Variants in UBA6 observed in about 807,000 individuals in gnomAD.
UBA6 encodes ubiquitin like modifier activating enzyme 6, also known as ubiquitin-like modifier-activating enzyme 6.
In UBA6, 87 loss-of-function variants were observed where a neutral mutation model predicts 148.3. The observed-to-expected ratio is 0.59, with a 90% CI of 0.49 to 0.70. The LOEUF is 0.70. UBA6 is among the 30% of genes least tolerant of loss of function. The probability of loss-of-function intolerance (pLI) is 0.00; values close to 1 mark genes in which losing one functional copy is unlikely to be tolerated. For missense variants in UBA6, 1,186 were observed against 1,241.2 expected, an observed-to-expected ratio of 0.96 and a Z score of 0.67; for synonymous variants, 376 against 401.0, an observed-to-expected ratio of 0.94 and a Z score of 0.75.
Position 67,649,204 on chromosome 4 carries a change from A to T in UBA6, c.1112T>A (p.Val371Glu). ...ISETLEEKPD[V>E]NADIVHWLSW... ...GAGCCAATGCACAATGTCAGCATTT[A>T]CATCAGGCTAAAACAAAAGCCATAA... Residue 371 changes from valine (V) to glutamate (E), a missense_variant, in exon 14 of 33, where the codon GTA becomes GAA. Coordinates refer to ENST00000322244, the MANE Select transcript of UBA6 (RefSeq NM_018227.6). 1 of 1,608,214 alleles carries T rather than the reference A, an allele frequency of 6.2e-7. No individual in the cohort carries two copies. The highest frequency in any genetic ancestry group is 1.7e-5 in the Admixed American group (1 of 58,954).
intron 9 of UBA6, among the ~76,000 whole-genome samples, chr4:67,667,295 A>T (rs1251971571): frequency 6.6e-6 from 1 of 152,202 alleles, no homozygotes; most frequent in African/African-American, 2.4e-5. Flanking sequence ...TTGTTATACA[A>T]CATGCATGCT....
At chr4:67,695,512 T>C (rs776633920) in intron 2 of UBA6, among the ~76,000 whole-genome samples, 1 of 152,220 alleles carries the variant, frequency 6.6e-6, no homozygotes, top group Non-Finnish European at 1.5e-5. Context: ...TAACCTGTCA[T>C]AGTTTCTTCA....
chr4:67,633,625 T>C, intron 22 of UBA6, 152 bp from the exon 23 acceptor site: 1 of 623,784 alleles, frequency 1.6e-6, no homozygotes, highest in Non-Finnish European at 2.5e-6. Context: ...TCCTTCTTCT[T>C]TAACCTTTCT....
intron 7 of UBA6, among the ~76,000 whole-genome samples, chr4:67,672,729 CA>C (rs1449125227): frequency 6.6e-6 from 1 of 152,160 alleles, no homozygotes; most frequent in Non-Finnish European, 1.5e-5. Context: ...CTAATTTTTA[CA>C]CTTGCAAATG....
At chr4:67,634,346 A>C (rs751843854) in intron 21 of UBA6, 24 bp from the exon 22 acceptor site, 2 of 1,566,630 alleles carry the variant, frequency 1.3e-6, no homozygotes, top group Non-Finnish European at 8.6e-7. Context: ...AAGAAAAAAA[A>C]AATTACAAAT....
rs552929121 is a variant in UBA6 at position 67,639,102 on chromosome 4, G to A, written c.1577C>T (p.Ala526Val). ...AGAATTTATTTTCAGAGTAGCATCA[G>A]CAGCAGTGTAGCTTTTAGGTTTCTA... ...HIQKPKSYTAADATLKINSQI... is the reference protein window; with the variant it reads ...HIQKPKSYTAVDATLKINSQI... The change falls in exon 19 of 33, where the codon GCT becomes GTT. Residue 526 changes from alanine to valine, a missense_variant. Physicochemically the swap from Ala to Val is moderately conservative, Grantham distance 64. Coordinates refer to ENST00000322244, the MANE Select transcript of UBA6 (RefSeq NM_018227.6). 2.3e-5 allele frequency: 37 copies of A among 1,612,508 alleles called. No homozygotes were observed. Among genetic ancestry groups the A allele is most frequent in the Non-Finnish European group, 2.8e-5 (33 of 1,179,612 alleles).
At chr4:67,649,010 T>C in intron 14 of UBA6, 58 bp downstream of exon 14, 1 of 1,547,640 alleles carries the variant, frequency 6.5e-7, no homozygotes. Flanking sequence ...TACATTATAA[T>C]ATGTAACACA....
rs1323894141 is a variant in UBA6, at chr4:67,625,030, A to G, written c.2676T>C (p.Pro892=). The G allele has an allele frequency of 1.2e-6, 2 of 1,611,200 alleles. No individual in the cohort carries two copies. Among genetic ancestry groups the G allele is most frequent in the East Asian group, 4.5e-5 (2 of 44,842 alleles). The change falls in exon 29 of 33, where the codon CCT becomes CCC. Residue 892 remains proline (P), a synonymous_variant. Transcript: ENST00000322244. ...KTKRIAGKII[P]AIATTTATVS... is the part of the protein sequence containing the mutation. ...CTGTAGCAGTGGTTGTTGCTATAGC[A>G]GGTATAATTTTACCAGCTATGCGCT...
At chr4:67,662,316 A>G in intron 12 of UBA6, 61 bp from the exon 13 acceptor site, 2 of 1,411,376 alleles carry the variant, frequency 1.4e-6, no homozygotes, top group Non-Finnish European at 1.9e-6. Flanking sequence ...ACAGTAGGAC[A>G]TACTCAAAAT....
chr4:67,622,556 G>A (rs1411238281), intron 32 of UBA6, among the ~76,000 whole-genome samples: 1 of 152,150 alleles, frequency 6.6e-6, no homozygotes, highest in Non-Finnish European at 1.5e-5. Flanking sequence ...TTACTCATAA[G>A]CCTGGTCATT....
chr4:67,657,348 G>T (rs1460799782), intron 13 of UBA6, among the ~76,000 whole-genome samples: 1 of 152,106 alleles, frequency 6.6e-6, no homozygotes, highest in East Asian at 1.9e-4. Flanking sequence ...GAGACCAATG[G>T]AACAGAACAG....
intron 1 of UBA6, 38 bp downstream of exon 1, chr4:67,701,006 TCCCAC>T: frequency 6.2e-7 from 1 of 1,607,768 alleles, no homozygotes. Context: ...GGAGCCTGGG[TCCCAC>T]CCGCGACCCC....
chr4:67,618,915 G>T lies in UBA6; in HGVS notation c.*82C>A. 1.5e-6 allele frequency: 2 copies of T among 1,377,474 alleles called. No individual in the cohort carries two copies. Among genetic ancestry groups the T allele is most frequent in the South Asian group, 1.3e-5 (1 of 74,472 alleles). The allele number at this position is 1,377,474 out of a possible 1,614,324, so 85.3% of individuals were successfully genotyped here. On this transcript the variant is annotated 3_prime_UTR_variant, in exon 33 of 33. Transcript: ENST00000322244. ...ATGAAAGAGAAATCCATAGTATTAT[G>T]AACTGATTTTCTTTAGCTTCTGAAT...
chr4:67,646,740 C>G lies in UBA6; in HGVS notation c.1300G>C (p.Glu434Gln). 2 of 1,605,112 alleles carry G rather than the reference C, an allele frequency of 1.2e-6. No homozygotes were observed. Among genetic ancestry groups the G allele is most frequent in the South Asian group, 2.2e-5 (2 of 89,170 alleles). The change falls in exon 15 of 33, where the codon GAA (glutamate) becomes CAA (glutamine). Residue 434 changes from glutamate (E) to glutamine (Q), a missense_variant. Glu to Gln is a conservative substitution (Grantham distance 29, BLOSUM62 2). Coordinates refer to ENST00000322244, the MANE Select transcript of UBA6 (RefSeq NM_018227.6). ...CATTATTACCGTGGGAGAAATTCTT[C>G]ACATTCAGGTTTGCCTAGTGATTCA... Reference protein sequence around the residue: ...IVESLGKPECEEFLPRGDRYD... With the variant: ...IVESLGKPECQEFLPRGDRYD...
chr4:67,682,614 C>T (rs918342436), intron 2 of UBA6, among the ~76,000 whole-genome samples: 1 of 151,922 alleles, frequency 6.6e-6, no homozygotes, highest in Non-Finnish European at 1.5e-5. Flanking sequence ...TCTGAGGCAA[C>T]AACAACAAAA....
chr4:67,670,131 A>G (rs1730108500), intron 8 of UBA6, among the ~76,000 whole-genome samples: 1 of 152,094 alleles, frequency 6.6e-6, no homozygotes, highest in African/African-American at 2.4e-5. Flanking sequence ...TTTGGTAGAC[A>G]TGGGGTTTCA....
intron 3 of UBA6, among the ~76,000 whole-genome samples, 198 bp downstream of exon 3, chr4:67,681,918 AAAG>A (rs1730449450): frequency 6.6e-6 from 1 of 152,240 alleles, no homozygotes; most frequent in Admixed American, 6.5e-5. Flanking sequence ...AACATCACAA[AAAG>A]AAGCAATGAG....
At chr4:67,627,220 G>A (rs563010072) in intron 27 of UBA6, among the ~76,000 whole-genome samples, 119 of 151,894 alleles carry the variant, frequency 7.8e-4, no homozygotes, top group African/African-American at 2.8e-3. Context: ...TCAAATCATC[G>A]TTTTACAAAT....
chr4:67,647,382 G>A (rs1459757120), intron 14 of UBA6, among the ~76,000 whole-genome samples: 3 of 152,014 alleles, frequency 2.0e-5, no homozygotes, highest in Non-Finnish European at 2.9e-5. Flanking sequence ...CCGACCTCAG[G>A]TGATCTGCCC....
Sources: gnomAD v4.1 joint callset for allele counts (sites outside exome capture counted in the v4.1 genomes callset) on GRCh38, gnomAD v4.1.1 for gene constraint, MANE v1.5 for transcripts, NCBI Gene and HGNC (gene_info 2026-07-23, HGNC 2026-07-21) for gene names.